SAMMSON: variants seen among roughly 807,000 people sequenced by gnomAD.
SAMMSON encodes long intergenic non-protein coding RNA 1212.
At chr3:70,149,917 G>A (rs2067564340) in intron 4 of SAMMSON, among the ~76,000 whole-genome samples, 1 of 152,030 alleles carries the variant, frequency 6.6e-6, no homozygotes, top group Non-Finnish European at 1.5e-5. Context: ...GCTCTTATGT[G>A]ATTAGCTCAT....
At chr3:70,303,618 G>A (rs779882838) in intron 7 of SAMMSON, among the ~76,000 whole-genome samples, 13 of 152,172 alleles carry the variant, frequency 8.5e-5, no homozygotes, top group Admixed American at 3.3e-4. Context: ...CTCAAAAACC[G>A]ATAAAGCTCC....
chr3:70,217,881 C>T (rs897597815), intron 4 of SAMMSON, among the ~76,000 whole-genome samples: 1 of 152,120 alleles, frequency 6.6e-6, no homozygotes, highest in African/African-American at 2.4e-5. Flanking sequence ...CTATCAGCAT[C>T]TATCAGGTTA....
rs572195346 is a variant in SAMMSON at position 70,078,952 on chromosome 3, AC to A, written n.507+7390del. 2.5e-3 allele frequency among the ~76,000 whole-genome samples: 385 copies of A among 152,306 alleles called. 1 individual carries two copies. The highest frequency in any genetic ancestry group is 9.0e-3 in the African/African-American group (373 of 41,582). ...AAATACAATCCATGGACTAAATCTG[AC>A]CCACTGCCTGTTTTTGTAAATATAG... On this transcript the variant is annotated intron_variant and non_coding_transcript_variant, in intron 4 of 9. Transcript: ENST00000642114.
chr3:70,012,588 A>G (rs1189420985), exon 2 of SAMMSON: 2 of 152,164 alleles, frequency 1.3e-5, no homozygotes, highest in African/African-American at 4.8e-5. Context: ...TCTGACCTCT[A>G]GATGTGTAAG....
chr3:70,051,521 A>G (rs1012457386), intron 3 of SAMMSON, among the ~76,000 whole-genome samples: 11 of 150,766 alleles, frequency 7.3e-5, no homozygotes, highest in Non-Finnish European at 1.6e-4. Context: ...ATAAACATCC[A>G]TACAATGAAA....
At chr3:70,330,501 G>T (rs1045616819) in intron 7 of SAMMSON, among the ~76,000 whole-genome samples, 1 of 151,916 alleles carries the variant, frequency 6.6e-6, no homozygotes, top group Non-Finnish European at 1.5e-5. Flanking sequence ...TTATAGGTAA[G>T]AGACATTACC....
At chr3:70,348,764 C>G (rs1277135632) in intron 7 of SAMMSON, among the ~76,000 whole-genome samples, 1 of 152,096 alleles carries the variant, frequency 6.6e-6, no homozygotes, top group East Asian at 1.9e-4. Context: ...AACGGGGACA[C>G]AGGTCACAGA....
At chr3:70,425,972 T>A (rs1701363046) in intron 2 of SAMMSON, among the ~76,000 whole-genome samples, 1 of 152,208 alleles carries the variant, frequency 6.6e-6, no homozygotes, top group African/African-American at 2.4e-5. Flanking sequence ...GTCAGAAACC[T>A]ATGTCATTCT....
chr3:70,268,319 CA>C lies in SAMMSON; in HGVS notation n.674+18655del, dbSNP rs113030416. 3.6e-4 allele frequency among the ~76,000 whole-genome samples: 55 copies of C among 151,990 alleles called. 1 individual carries two copies. The highest frequency in any genetic ancestry group is 1.3e-3 in the African/African-American group (55 of 41,474). On this transcript the variant is annotated intron_variant and non_coding_transcript_variant, in intron 6 of 9. Transcript: ENST00000642114. ...AACACCCACCGTCTGTACTAAAATA[CA>C]AAAAATTAGCCAGGCGTGGTTGTGT...
intron 7 of SAMMSON, among the ~76,000 whole-genome samples, chr3:70,302,132 C>A: frequency 6.6e-6 from 1 of 152,040 alleles, no homozygotes; most frequent in Non-Finnish European, 1.5e-5. Flanking sequence ...CTGTCATTGC[C>A]CTTGCTTTTC....
chr3:70,068,800 C>T (rs2067219305), intron 3 of SAMMSON: 1 of 152,032 alleles, frequency 6.6e-6, no homozygotes, highest in East Asian at 1.9e-4. Context: ...CAGCTATGTC[C>T]TGAATACAAT....
intron 4 of SAMMSON, among the ~76,000 whole-genome samples, chr3:70,098,496 T>C (rs2067331072): frequency 6.6e-6 from 1 of 151,958 alleles, no homozygotes; most frequent in Non-Finnish European, 1.5e-5. Context: ...GCCTCCCGAG[T>C]AGTTGGGAGT....
chr3:70,006,950 A>G (rs1187418525), intron 1 of SAMMSON, among the ~76,000 whole-genome samples: 2 of 151,954 alleles, frequency 1.3e-5, no homozygotes, highest in African/African-American at 4.8e-5. Context: ...TTCCAGCTTC[A>G]TCCATGTCCC....
intron 6 of SAMMSON, among the ~76,000 whole-genome samples, chr3:70,268,450 G>C (rs1339410465): frequency 1.4e-5 from 2 of 138,828 alleles, no homozygotes; most frequent in African/African-American, 2.7e-5. Flanking sequence ...ACTCCAGCCT[G>C]GGCAACAGAG....
rs1370805151 is a variant in SAMMSON at position 70,349,193 on chromosome 3, G to A, written n.740-4982G>A. On this transcript the variant is annotated intron_variant and non_coding_transcript_variant, in intron 7 of 9. Transcript: ENST00000642114. ...ATTTGAGACCAGCCTGGCCAACATG[G>A]TGAAACCCCATCTCTACTAAAAATA... Among the ~76,000 whole-genome samples, 13 of 152,158 alleles carry A rather than the reference G, an allele frequency of 8.5e-5. No homozygotes were observed. The East Asian group carries it at 2.5e-3, about 30-fold the overall frequency.
At chr3:70,275,248 T>TA (rs1449346327) in intron 6 of SAMMSON, among the ~76,000 whole-genome samples, 2 of 152,118 alleles carry the variant, frequency 1.3e-5, no homozygotes, top group Non-Finnish European at 2.9e-5. Flanking sequence ...TTGGGCCGGG[T>TA]ACAGTGGCTT....
chr3:70,130,358 G>T (rs532300485), intron 4 of SAMMSON, among the ~76,000 whole-genome samples: 1 of 152,266 alleles, frequency 6.6e-6, no homozygotes, highest in African/African-American at 2.4e-5. Context: ...AGAGAGGAAT[G>T]GTATATTTTG....
At chr3:70,053,424 A>G (rs2067153687) in intron 3 of SAMMSON, among the ~76,000 whole-genome samples, 1 of 152,130 alleles carries the variant, frequency 6.6e-6, no homozygotes, top group Non-Finnish European at 1.5e-5. Context: ...ACTAACACAT[A>G]GAAAAGAGAT....
chr3:70,126,597 A>G, intron 4 of SAMMSON: 2 of 416,926 alleles, frequency 4.8e-6, no homozygotes, highest in Non-Finnish European at 8.7e-6. Flanking sequence ...CAAATGGCTG[A>G]TAGAGAGCTG....
Sources: gnomAD v4.1 joint callset for allele counts (sites outside exome capture counted in the v4.1 genomes callset) on GRCh38, gnomAD v4.1.1 for gene constraint, MANE v1.5 for transcripts, NCBI Gene and HGNC (gene_info 2026-07-23, HGNC 2026-07-21) for gene names.